SLX4IP: variants seen among roughly 807,000 people sequenced by gnomAD.
SLX4IP encodes the protein protein SLX4IP.
Under a neutral mutation model 32.9 loss-of-function variants are expected in SLX4IP, and 34 were observed. The observed-to-expected ratio is 1.03, with a 90% CI of 0.79 to 1.38. SLX4IP has a LOEUF of 1.38. SLX4IP is among the 40% of genes most tolerant of loss of function. The pLI is 0.00. For missense variants in SLX4IP, 444 were observed against 479.0 expected, an observed-to-expected ratio of 0.93 and a Z score of 0.68; for synonymous variants, 172 against 171.7, an observed-to-expected ratio of 1.00 and a Z score of -0.01.
At chr20:10,515,079 C>CTTTTTTTTTTTTTTTTTTTTTTTT (rs35576843) in intron 2 of SLX4IP, among the ~76,000 whole-genome samples, 1 of 82,890 alleles carries the variant, frequency 1.2e-5, no homozygotes, top group African/African-American at 4.6e-5. Flanking sequence ...TAAGTTGAAG[C>CTTTTTTTTTTTTTTTTTTTTTTTT]TTTTTTTTTT....
intron 4 of SLX4IP, among the ~76,000 whole-genome samples, chr20:10,593,048 CT>C: frequency 6.6e-6 from 1 of 152,176 alleles, no homozygotes; most frequent in Non-Finnish European, 1.5e-5. Context: ...CACAACCAAG[CT>C]TGAGAACTGA....
rs145908671 is a variant in SLX4IP, at chr20:10,598,557, C to T, written c.239-118C>T. The T allele has an allele frequency of 1.3e-3, 1,266 of 963,778 alleles. 8 individuals carry two copies. In the African/African-American group the frequency reaches 0.017, roughly 13 times the overall value. 59.7% of individuals were successfully genotyped at this position (963,778 alleles called of 1,614,324 possible). On this transcript the variant is annotated intron_variant, in intron 4 of 7. Coordinates refer to ENST00000334534, the MANE Select transcript of SLX4IP (RefSeq NM_001009608.3). ...GGGATTACAGGCGTGAGTCATCACACTCAGCTTCATTTGCTAAATAACTAT... is the reference window on the plus strand; with the variant it reads ...GGGATTACAGGCGTGAGTCATCACATTCAGCTTCATTTGCTAAATAACTAT...
At chr20:10,486,833 T>C (rs974056742) in intron 2 of SLX4IP, among the ~76,000 whole-genome samples, 6 of 152,188 alleles carry the variant, frequency 3.9e-5, no homozygotes, top group African/African-American at 1.4e-4. Flanking sequence ...TCTTAGAACA[T>C]TTAAAAATTG....
At chr20:10,455,919 T>A (rs2065281590) in intron 1 of SLX4IP, among the ~76,000 whole-genome samples, 1 of 152,110 alleles carries the variant, frequency 6.6e-6, no homozygotes, top group Non-Finnish European at 1.5e-5. Flanking sequence ...CCTATATGTC[T>A]GTTCTTATGC....
chr20:10,441,995 A>G (rs189781704), intron 1 of SLX4IP, among the ~76,000 whole-genome samples: 118 of 152,356 alleles, frequency 7.7e-4, no homozygotes, highest in Non-Finnish European at 1.4e-3. Context: ...TTATAGCTGT[A>G]ACTTCAGAAG....
chr20:10,519,997 CTA>C (rs1456642512), intron 2 of SLX4IP, among the ~76,000 whole-genome samples: 3 of 152,152 alleles, frequency 2.0e-5, no homozygotes, highest in African/African-American at 7.2e-5. Flanking sequence ...TGCTTATTGA[CTA>C]TTTATTTTCT....
intron 4 of SLX4IP, among the ~76,000 whole-genome samples, chr20:10,567,299 A>G (rs994486424): frequency 3.3e-5 from 5 of 152,206 alleles, no homozygotes. Flanking sequence ...AATGGTCCCC[A>G]ATGCAATAGT....
chr20:10,438,787 A>C (rs148203130), intron 1 of SLX4IP, among the ~76,000 whole-genome samples: 1,555 of 151,688 alleles, frequency 0.01, 18 homozygotes, highest in Non-Finnish European at 0.016. Flanking sequence ...CTAGGTTTTT[A>C]TCTAACTGCA....
chr20:10,492,976 T>C (rs1170736797), intron 2 of SLX4IP, among the ~76,000 whole-genome samples: 1 of 81,180 alleles, frequency 1.2e-5, no homozygotes, highest in African/African-American at 4.6e-5. Context: ...ATCACAAGTC[T>C]TTTTTTTTTA....
chr20:10,452,072 G>C (rs2065246292), intron 1 of SLX4IP, among the ~76,000 whole-genome samples: 1 of 152,074 alleles, frequency 6.6e-6, no homozygotes, highest in Admixed American at 6.5e-5. Context: ...TACATTTGTG[G>C]CTTGCATTAT....
intron 1 of SLX4IP, among the ~76,000 whole-genome samples, chr20:10,443,566 G>A (rs2065175774): frequency 6.6e-6 from 1 of 152,206 alleles, no homozygotes; most frequent in Non-Finnish European, 1.5e-5. Flanking sequence ...CATGGGTGAA[G>A]GCAGGGAGAG....
chr20:10,521,413 T>C (rs1336012766), intron 2 of SLX4IP, among the ~76,000 whole-genome samples: 1 of 152,160 alleles, frequency 6.6e-6, no homozygotes. Context: ...TCACCTCTCT[T>C]CTCTCTACGT....
chr20:10,458,536 T>C (rs1426822253), intron 2 of SLX4IP, among the ~76,000 whole-genome samples: 1 of 151,758 alleles, frequency 6.6e-6, no homozygotes, highest in Admixed American at 6.6e-5. Context: ...CCACAACAGG[T>C]CCCAGTGTGT....
At chr20:10,456,490 T>G (rs2065286773) in intron 1 of SLX4IP, among the ~76,000 whole-genome samples, 1 of 152,038 alleles carries the variant, frequency 6.6e-6, no homozygotes, top group Admixed American at 6.6e-5. Flanking sequence ...TACAGGTGCA[T>G]GCCACCATGC....
intron 4 of SLX4IP, among the ~76,000 whole-genome samples, chr20:10,567,375 TA>T (rs979418529): frequency 2.0e-5 from 3 of 152,194 alleles, no homozygotes; most frequent in African/African-American, 7.2e-5. Context: ...AATGTTGTTT[TA>T]AAAGGGCTTG....
At chr20:10,547,121 C>G (rs949027585) in intron 2 of SLX4IP, among the ~76,000 whole-genome samples, 12 of 152,176 alleles carry the variant, frequency 7.9e-5, no homozygotes, top group African/African-American at 2.9e-4. Flanking sequence ...TGTGAGCCAC[C>G]CTACAGCACT....
intron 1 of SLX4IP, among the ~76,000 whole-genome samples, chr20:10,451,878 G>C (rs1330300485): frequency 1.3e-5 from 2 of 152,092 alleles, no homozygotes; most frequent in Non-Finnish European, 2.9e-5. Flanking sequence ...TGAGGCAGGG[G>C]AATCGCTTGA....
chr20:10,505,470 C>T (rs925284527), intron 2 of SLX4IP, among the ~76,000 whole-genome samples: 4 of 152,148 alleles, frequency 2.6e-5, no homozygotes, highest in Admixed American at 6.5e-5. Context: ...TTCTTTAGCC[C>T]GACTGTGAAC....
In SLX4IP at chr20:10,626,458, C is replaced by T. The variant is rs2122579402; in HGVS notation, c.*3079C>T. On this transcript the variant is annotated 3_prime_UTR_variant, in exon 8 of 8. Transcript: ENST00000334534. Reference sequence around the variant, plus strand: ...TAGTACCCCAAATTATATTCAAGTCCCTGTGACTCCAATGCTTGGAGAAGT... The same window carrying T: ...TAGTACCCCAAATTATATTCAAGTCTCTGTGACTCCAATGCTTGGAGAAGT... The T allele has an allele frequency of 6.6e-6, 1 of 152,086 alleles. No individual in the cohort carries two copies. The highest frequency in any genetic ancestry group is 3.4e-3 in the Middle Eastern group (1 of 294). The allele number at this position is 152,086 out of a possible 1,614,324, so 9.4% of individuals were successfully genotyped here. A position where few individuals can be genotyped will look rare whatever the true frequency, so the allele number is the denominator to read the frequency against.
Sources: gnomAD v4.1 joint callset for allele counts (sites outside exome capture counted in the v4.1 genomes callset) on GRCh38, gnomAD v4.1.1 for gene constraint, MANE v1.5 for transcripts, NCBI Gene and HGNC (gene_info 2026-07-23, HGNC 2026-07-21) for gene names.